Variants in E2F7 observed in about 807,000 individuals in gnomAD.
E2F7 encodes the protein E2F transcription factor 7.
In E2F7, 35 loss-of-function variants were observed where a neutral mutation model predicts 81.1. The observed-to-expected ratio is 0.43, with a 90% CI of 0.33 to 0.57. E2F7 has a LOEUF of 0.57. E2F7 is among the 20% of genes least tolerant of loss of function. E2F7 has a pLI of 0.04. For missense variants in E2F7, 961 were observed against 1,093.7 expected, an observed-to-expected ratio of 0.88 and a Z score of 1.71; for synonymous variants, 416 against 416.2, an observed-to-expected ratio of 1.00 and a Z score of 0.01.
chr12:77,028,156 A>C lies in E2F7; in HGVS notation c.1885-18T>G, dbSNP rs1316262124. The C allele has an allele frequency of 1.9e-6, 3 of 1,590,766 alleles. No individual in the cohort carries two copies. The highest frequency in any genetic ancestry group is 2.6e-6 in the Non-Finnish European group (3 of 1,171,554). ...GAGGGTTTCTAAACACAACCAAACC[A>C]GGAAGCAAGAAAGTAAGTTAAAATT... is the stretch of plus-strand genomic sequence containing the variant. On this transcript the variant is annotated intron_variant, in intron 10 of 12. Transcript: ENST00000322886.
At chr12:77,032,972 G>T in intron 9 of E2F7, 78 bp downstream of exon 9, 1 of 1,385,576 alleles carries the variant, frequency 7.2e-7, no homozygotes, top group Non-Finnish European at 1.0e-6. Flanking sequence ...TTCTTTTGAT[G>T]GGTGGCACTG....
At chr12:77,048,777 G>A (rs1401546930) in intron 4 of E2F7, among the ~76,000 whole-genome samples, 3 of 152,146 alleles carry the variant, frequency 2.0e-5, no homozygotes, top group Non-Finnish European at 4.4e-5. Context: ...GCCATAACAT[G>A]GGGATGTGCA....
chr12:77,030,256 A>G lies in E2F7; in HGVS notation c.1459T>C (p.Ser487Pro). 1 of 1,611,444 alleles carries G rather than the reference A, an allele frequency of 6.2e-7. No homozygotes were observed. The change falls in exon 10 of 13, where the codon TCT becomes CCT. Residue 487 changes from serine (S) to proline (P), a missense_variant. Transcript: ENST00000322886. ...LDPVAPFPVL[S>P]VDPEYCVNPL... Reference sequence around the variant, plus strand: ...TTAACACAATATTCTGGGTCAACAGAGAGGACAGGGAAAGGAGCAACAGGG... The same window carrying G: ...TTAACACAATATTCTGGGTCAACAGGGAGGACAGGGAAAGGAGCAACAGGG...
At chr12:77,038,870 T>C (rs1278648880) in intron 7 of E2F7, among the ~76,000 whole-genome samples, 1 of 152,202 alleles carries the variant, frequency 6.6e-6, no homozygotes, top group Non-Finnish European at 1.5e-5. Flanking sequence ...GGAAAATTAT[T>C]TATTTATCAA....
chr12:77,054,779 C>CA (rs543201982), intron 3 of E2F7, among the ~76,000 whole-genome samples: 81 of 152,220 alleles, frequency 5.3e-4, no homozygotes, highest in African/African-American at 1.7e-3. Context: ...AAAAAAATTA[C>CA]AAAAAATCTA....
intron 1 of E2F7, among the ~76,000 whole-genome samples, 167 bp downstream of exon 1, chr12:77,065,178 T>C (rs1296083936): frequency 6.6e-6 from 1 of 151,928 alleles, no homozygotes; most frequent in Non-Finnish European, 1.5e-5. Context: ...CGGGCCGGAG[T>C]GAGAGCTGCA....
intron 1 of E2F7, 146 bp from the exon 2 acceptor site, chr12:77,064,781 C>A (rs1272415085): frequency 7.9e-6 from 5 of 634,852 alleles, no homozygotes; most frequent in Non-Finnish European, 1.3e-5. Flanking sequence ...GAGTTGTAGC[C>A]ACCCTCAACT....
Position 77,046,055 on chromosome 12 carries a change from T to C in E2F7, c.812A>G (p.Glu271Gly). ...GGACTCACAAGAGGGACAGTCGGGT[T>C]CAGAGAAATCCAGTAACTGTTGTTC... ...SQEQQLLDFS[E>G]PDCPSSSANS... The change falls in exon 5 of 13, where the codon GAA becomes GGA. Residue 271 changes from glutamate (E) to glycine (G), a missense_variant. Transcript: ENST00000322886. The C allele has an allele frequency of 1.9e-6, 3 of 1,614,070 alleles. No individual in the cohort carries two copies. Among genetic ancestry groups the C allele is most frequent in the Non-Finnish European group, 2.5e-6 (3 of 1,179,980 alleles).
At chr12:77,055,753 T>C in intron 3 of E2F7, 102 bp downstream of exon 3, 1 of 1,366,280 alleles carries the variant, frequency 7.3e-7, no homozygotes, top group Non-Finnish European at 9.8e-7. Context: ...CCACTGCTTT[T>C]GGCTCAATAG....
At chr12:77,060,255 G>A (rs1955067831) in intron 2 of E2F7, among the ~76,000 whole-genome samples, 1 of 152,074 alleles carries the variant, frequency 6.6e-6, no homozygotes, top group Non-Finnish European at 1.5e-5. Context: ...CGGCCCTCTA[G>A]TTCTTATATA....
At position 77,044,801 on chromosome 12, in the gene E2F7, C is replaced by A; in HGVS notation, c.830-6G>T. 6.2e-7 allele frequency: 1 copy of A among 1,612,298 alleles called. No individual in the cohort carries two copies. Among genetic ancestry groups the A allele is most frequent in the Non-Finnish European group, 8.5e-7 (1 of 1,179,458 alleles). ...TTTTCTACTGTTTGCAGATGCTACA[C>A]AAGGAATGAAACAAAAGCATCAAAG... On this transcript the variant is annotated splice_region_variant and splice_polypyrimidine_tract_variant and intron_variant, in intron 5 of 12. Transcript: ENST00000322886.
At chr12:77,025,032 G>GTATAGATGTATATACATCTATGTAT (rs553082930) in intron 12 of E2F7, among the ~76,000 whole-genome samples, 3,192 of 151,814 alleles carry the variant, frequency 0.021, 75 homozygotes, top group African/African-American at 0.067. Flanking sequence ...TTCTGCGTAT[G>GTATAGATGTATATACATCTATGTAT]TATAGATGTA....
At position 77,042,974 on chromosome 12, in the gene E2F7, A is replaced by G; in HGVS notation, c.1123+91T>C. 16 of 1,572,114 alleles carry G rather than the reference A, an allele frequency of 1.0e-5. No individual in the cohort carries two copies. The South Asian group carries it at 1.7e-4, about 17-fold the overall frequency. On this transcript the variant is annotated intron_variant, in intron 7 of 12. Transcript: ENST00000322886. ...ATTTTGTATGTGACATGGGAAAAAG[A>G]TCAGTCTCACTGTGTAGTAGATGTG...
Position 77,050,646 on chromosome 12 carries a change from A to C in E2F7, c.468T>G (p.Ala156=). The C allele has an allele frequency of 6.2e-7, 1 of 1,614,078 alleles. No homozygotes were observed. Among genetic ancestry groups the C allele is most frequent in the Non-Finnish European group, 8.5e-7 (1 of 1,179,964 alleles). The part of the protein sequence containing the change: ...SLGLLCQKFL[A]RYPSYPLSTE... ...TTGACAAGGGATAACTTGGATAGCG[A>C]GCTAGAAACTTCTGGCACAGGAGTC... Residue 156 remains alanine (A), a synonymous_variant, in exon 4 of 13, where the codon GCT becomes GCG. Coordinates refer to ENST00000322886, the MANE Select transcript of E2F7 (RefSeq NM_203394.3).
intron 7 of E2F7, among the ~76,000 whole-genome samples, chr12:77,039,903 A>G (rs1954881530): frequency 2.0e-5 from 3 of 152,244 alleles, no homozygotes; most frequent in Admixed American, 6.5e-5. Context: ...TCAGTAATAA[A>G]AATAAATTAC....
chr12:77,045,049 C>T lies in E2F7; in HGVS notation c.830-254G>A, dbSNP rs142788819. 1.2e-3 allele frequency among the ~76,000 whole-genome samples: 184 copies of T among 152,314 alleles called. 1 individual carries two copies. Among genetic ancestry groups the T allele is most frequent in the African/African-American group, 4.0e-3 (167 of 41,560 alleles). ...ATATTTTAAACCACTCAATGCTTTA[C>T]ACTTATACTTCCTATAATAGAATCC... is the stretch of plus-strand genomic sequence containing the variant. On this transcript the variant is annotated intron_variant, in intron 5 of 12. Coordinates refer to ENST00000322886, the MANE Select transcript of E2F7 (RefSeq NM_203394.3).
Position 77,060,211 on chromosome 12 carries a change from G to A in E2F7, c.94-4081C>T, listed in dbSNP as rs116105432. 2.0e-3 allele frequency among the ~76,000 whole-genome samples: 309 copies of A among 152,136 alleles called. 3 individuals carry two copies. Among genetic ancestry groups the A allele is most frequent in the African/African-American group, 6.6e-3 (273 of 41,504 alleles). On this transcript the variant is annotated intron_variant, in intron 2 of 12. Transcript: ENST00000322886. ...AGGAAATCTAACCTGCAACACCCTG[G>A]AAATCACTCCCTCCATTAGAGTGTC...
At chr12:77,057,994 T>A (rs994178195) in intron 2 of E2F7, among the ~76,000 whole-genome samples, 16 of 152,170 alleles carry the variant, frequency 1.1e-4, no homozygotes, top group South Asian at 4.1e-4. Context: ...CTGGAGTTTG[T>A]GTAGGCAAGG....
At position 77,023,724 on chromosome 12, in the gene E2F7, C is replaced by CGGTAGCCTA. The variant is rs1331694609; in HGVS notation, c.*282_*290dup. 8 of 266,630 alleles carry CGGTAGCCTA rather than the reference C, an allele frequency of 3.0e-5. No homozygotes were observed. Among genetic ancestry groups the CGGTAGCCTA allele is most frequent in the Admixed American group, 5.7e-5 (1 of 17,460 alleles). 16.5% of individuals were successfully genotyped at this position (266,630 alleles called of 1,614,324 possible). On this transcript the variant is annotated 3_prime_UTR_variant, in exon 13 of 13. Coordinates refer to ENST00000322886, the MANE Select transcript of E2F7 (RefSeq NM_203394.3). ...GCCCCCCTTTAGAAAAACAAGGCTC[C>CGGTAGCCTA]GGTAGCCTATTCAGATCTACTTCCA...
Sources: allele counts gnomAD v4.1 joint callset (sites outside exome capture counted in the v4.1 genomes callset), GRCh38; gene constraint gnomAD v4.1.1; transcripts MANE v1.5; gene names NCBI Gene and HGNC (gene_info 2026-07-23, HGNC 2026-07-21).